The following CNKSR3 variants were observed in gnomAD, a reference collection of about 807,000 sequenced individuals.
CNKSR3 encodes the protein connector enhancer of kinase suppressor of ras 3.
Under a neutral mutation model 67.7 loss-of-function variants are expected in CNKSR3, and 36 were observed. The observed-to-expected ratio is 0.53, with a 90% confidence interval of 0.41 to 0.70. The LOEUF is 0.70. Among genes scored for constraint, CNKSR3 ranks in the 30% least tolerant of loss-of-function variants. CNKSR3 has a pLI of 0.00. For missense variants in CNKSR3, 630 were observed against 695.2 expected, an observed-to-expected ratio of 0.91 and a Z score of 1.05; for synonymous variants, 281 against 271.4, an observed-to-expected ratio of 1.04 and a Z score of -0.35.
In CNKSR3 at chr6:154,411,054, A is replaced by G; in HGVS notation, c.1159T>C (p.Phe387Leu). Reference sequence around the variant, plus strand: ...CGTCTCCGGCTTTCCTGGTCCAAGAAGGAATTCGGGGACTCTGAACCCTTA... The same window carrying G: ...CGTCTCCGGCTTTCCTGGTCCAAGAGGGAATTCGGGGACTCTGAACCCTTA... ...GPKGSESPNSFLDQESRRRRF... is the reference protein window; with the variant it reads ...GPKGSESPNSLLDQESRRRRF... Residue 387 changes from phenylalanine (F) to leucine (L), a missense_variant, in exon 11 of 13, where the codon TTC becomes CTC. Phe to Leu is a conservative substitution (Grantham distance 22). This residue lies in a region of CNKSR3 where 308 missense variants were observed against 299.6 expected (regional missense o/e 1.03). Transcript: ENST00000607772. 6.2e-7 allele frequency: 1 copy of G among 1,614,134 alleles called. No homozygotes were observed. The highest frequency in any genetic ancestry group is 8.5e-7 in the Non-Finnish European group (1 of 1,180,016).
At chr6:154,490,971 C>T (rs940953511) in intron 1 of CNKSR3, among the ~76,000 whole-genome samples, 1 of 152,090 alleles carries the variant, frequency 6.6e-6, no homozygotes, top group Non-Finnish European at 1.5e-5. Context: ...ACTCAGCCTC[C>T]TGAGTAGCTG....
Position 154,395,639 on chromosome 6 carries a change from GA to G in CNKSR3, c.*10714del, listed in dbSNP as rs1422897374. 1 of 152,174 alleles carries G rather than the reference GA, an allele frequency of 6.6e-6. No individual in the cohort carries two copies. Among genetic ancestry groups the G allele is most frequent in the Non-Finnish European group, 1.5e-5 (1 of 68,040 alleles). The allele number at this position is 152,174 out of a possible 1,614,324, so 9.4% of individuals were successfully genotyped here. A position where few individuals can be genotyped will look rare whatever the true frequency, so the allele number is the denominator to read the frequency against. ...TTAATGCAGTTTGTTGTCTCCAAAA[GA>G]GCAGCAACAATATTCTCAGTGGTTC... On this transcript the variant is annotated 3_prime_UTR_variant, in exon 13 of 13. Transcript: ENST00000607772.
In CNKSR3 at chr6:154,395,373, C is replaced by T. The variant is rs1784650755; in HGVS notation, c.*10981G>A. 1 of 152,164 alleles carries T rather than the reference C, an allele frequency of 6.6e-6. No homozygotes were observed. The allele number at this position is 152,164 out of a possible 1,614,324, so 9.4% of individuals were successfully genotyped here. A position where few individuals can be genotyped will look rare whatever the true frequency, so the allele number is the denominator to read the frequency against. Reference sequence around the variant, plus strand: ...CATCCATTGCTGTTTACAAAGGAGACTCTGTATTTAACCACCCAGGATCTC... The same window carrying T: ...CATCCATTGCTGTTTACAAAGGAGATTCTGTATTTAACCACCCAGGATCTC... On this transcript the variant is annotated 3_prime_UTR_variant, in exon 13 of 13. Coordinates refer to ENST00000607772, the MANE Select transcript of CNKSR3 (RefSeq NM_173515.4).
chr6:154,473,475 G>A (rs919980306), intron 1 of CNKSR3, among the ~76,000 whole-genome samples: 2 of 152,164 alleles, frequency 1.3e-5, no homozygotes, highest in African/African-American at 4.8e-5. Context: ...CAAGCTGTCT[G>A]AGTTCACATT....
At position 154,506,724 on chromosome 6, in the gene CNKSR3, A is replaced by G. The variant is rs146137172; in HGVS notation, c.52+3339T>C. 2.5e-3 allele frequency among the ~76,000 whole-genome samples: 380 copies of G among 152,380 alleles called. 2 individuals are homozygous for G. The highest frequency in any genetic ancestry group is 8.8e-3 in the African/African-American group (368 of 41,592). ...TTTTCTGTTATGTGCGGCTAACCCT[A>G]CACGTTGTAAAAGATCATTTGCTTT... On this transcript the variant is annotated intron_variant, in intron 1 of 12. Transcript: ENST00000607772.
At chr6:154,457,001 A>G (rs1582876150) in intron 1 of CNKSR3, among the ~76,000 whole-genome samples, 1 of 152,208 alleles carries the variant, frequency 6.6e-6, no homozygotes, top group African/African-American at 2.4e-5. Flanking sequence ...CAATATTCTC[A>G]GAATTCCCAA....
chr6:154,448,594 GA>G (rs915872635), intron 2 of CNKSR3, among the ~76,000 whole-genome samples: 3 of 152,112 alleles, frequency 2.0e-5, no homozygotes, highest in African/African-American at 4.8e-5. Context: ...GTCACAGAGG[GA>G]GTAGCATGTA....
intron 9 of CNKSR3, among the ~76,000 whole-genome samples, chr6:154,421,527 G>A (rs72993388): frequency 0.046 from 7,055 of 152,270 alleles, 221 homozygotes; most frequent in African/African-American, 0.077. Context: ...TATGAAATAA[G>A]CACTAAGGAC....
intron 1 of CNKSR3, among the ~76,000 whole-genome samples, chr6:154,507,420 C>T (rs1787123576): frequency 6.6e-6 from 1 of 152,284 alleles, no homozygotes; most frequent in East Asian, 1.9e-4. Flanking sequence ...ACATGAAGAG[C>T]TGCTTATCAG....
chr6:154,414,838 A>G, intron 9 of CNKSR3: 1 of 470,842 alleles, frequency 2.1e-6, no homozygotes, highest in Non-Finnish European at 4.4e-6. Flanking sequence ...CTTGCCTGTT[A>G]CCCCAGCACT....
chr6:154,436,342 CTTAA>C (rs1785471928), intron 4 of CNKSR3, among the ~76,000 whole-genome samples: 1 of 152,032 alleles, frequency 6.6e-6, no homozygotes, highest in African/African-American at 2.4e-5. Context: ...TGGCTAACTC[CTTAA>C]TTTTTTTTTT....
chr6:154,414,209 C>A, intron 10 of CNKSR3, 90 bp downstream of exon 10: 1 of 1,391,110 alleles, frequency 7.2e-7, no homozygotes, highest in South Asian at 1.5e-5. Context: ...GGCTCAGCAA[C>A]TTCCTCTCTC....
chr6:154,485,591 A>G (rs975131774), intron 1 of CNKSR3, among the ~76,000 whole-genome samples: 1 of 152,158 alleles, frequency 6.6e-6, no homozygotes, highest in Non-Finnish European at 1.5e-5. Flanking sequence ...TCACCATAAG[A>G]CCAAATCTGT....
At chr6:154,483,563 C>T (rs1158229510) in intron 1 of CNKSR3, among the ~76,000 whole-genome samples, 3 of 151,812 alleles carry the variant, frequency 2.0e-5, no homozygotes, top group African/African-American at 4.8e-5. Context: ...AAAAAAAAAA[C>T]GAAACAAAAC....
intron 1 of CNKSR3, among the ~76,000 whole-genome samples, chr6:154,477,993 G>A (rs1191941783): frequency 6.6e-6 from 1 of 152,172 alleles, no homozygotes; most frequent in Non-Finnish European, 1.5e-5. Context: ...TCCTTATGAC[G>A]GAAGAGAGGC....
rs902871656 is a variant in CNKSR3, at chr6:154,441,315, C to T, written c.484G>A (p.Asp162Asn). 1 of 1,611,600 alleles carries T rather than the reference C, an allele frequency of 6.2e-7. No individual in the cohort carries two copies. Residue 162 changes from aspartate (D) to asparagine (N), a missense_variant, in exon 4 of 13, where the codon GAC becomes AAC. This residue lies in a region of CNKSR3 where 189 missense variants were observed against 205.0 expected (regional missense o/e 0.92). Coordinates refer to ENST00000607772, the MANE Select transcript of CNKSR3 (RefSeq NM_173515.4). ...TKNKIIQLCL[D>N]LTTTVQKDCF... Reference sequence around the variant, plus strand: ...ACCTTCTGGACTGTAGTGGTCAGGTCCAAGCAAAGCTGGATAATTTTGTTC... The same window carrying T: ...ACCTTCTGGACTGTAGTGGTCAGGTTCAAGCAAAGCTGGATAATTTTGTTC...
chr6:154,411,227 A>G, intron 10 of CNKSR3, 85 bp from the exon 11 acceptor site: 2 of 909,242 alleles, frequency 2.2e-6, no homozygotes, highest in Non-Finnish European at 3.4e-6. Flanking sequence ...TACCTCCAGC[A>G]CACAGAAGAT....
rs184497140 is a variant in CNKSR3 at position 154,474,367 on chromosome 6, C to T, written c.53-24109G>A. ...GGCGGAGGTTGCAGTGAGCTGAGAT[C>T]GCACCACTGCACTCCAGCCCGGGTG... On this transcript the variant is annotated intron_variant, in intron 1 of 12. Transcript: ENST00000607772. Among the ~76,000 whole-genome samples the T allele has an allele frequency of 2.0e-3, 299 of 150,806 alleles. 2 individuals carry two copies. Among genetic ancestry groups the T allele is most frequent in the African/African-American group, 7.1e-3 (291 of 41,016 alleles).
At chr6:154,464,395 C>G (rs917833487) in intron 1 of CNKSR3, among the ~76,000 whole-genome samples, 1 of 152,144 alleles carries the variant, frequency 6.6e-6, no homozygotes, top group South Asian at 2.1e-4. Flanking sequence ...CAATTCACAT[C>G]GTGGATTTAA....
Sources: allele counts gnomAD v4.1 joint callset (sites outside exome capture counted in the v4.1 genomes callset), GRCh38; gene constraint gnomAD v4.1.1; regional missense constraint gnomAD v4.1.1; transcripts MANE v1.5; gene names NCBI Gene and HGNC (gene_info 2026-07-23, HGNC 2026-07-21).